Variants in CHN2 observed in about 807,000 individuals in gnomAD.
The protein encoded by CHN2 is beta-chimaerin.
CHN2 carries 35 observed loss-of-function variants against 56.3 expected under a neutral mutation model. The ratio of observed to expected loss-of-function variants is 0.62; its 90% CI spans 0.47 to 0.82. The LOEUF (loss-of-function observed/expected upper bound fraction) is 0.82, where lower values mean the gene tolerates loss of function less well. Among genes scored for constraint, CHN2 ranks in the 40% least tolerant of loss-of-function variants. CHN2 has a pLI of 0.00. For missense variants in CHN2, 491 were observed against 580.5 expected (o/e 0.85, Z 1.58); for synonymous variants, 210 against 212.8 (o/e 0.99, Z 0.12).
At chr7:29,284,686 G>A (rs1271287722) in intron 1 of CHN2, among the ~76,000 whole-genome samples, 1 of 152,180 alleles carries the variant, frequency 6.6e-6, no homozygotes, top group Admixed American at 6.5e-5. Context: ...CGGTCTAGCT[G>A]ACTCCATGAT....
intron 1 of CHN2, among the ~76,000 whole-genome samples, chr7:29,343,579 T>C (rs1467600991): frequency 6.6e-6 from 1 of 152,154 alleles, no homozygotes; most frequent in Non-Finnish European, 1.5e-5. Flanking sequence ...CATGTGTATC[T>C]CACTGGAGCA....
rs777859257 is a variant in CHN2, at chr7:29,504,737, C to G, written c.914-7C>G. The G allele has an allele frequency of 1.3e-6, 2 of 1,574,852 alleles. No homozygotes were observed. The highest frequency in any genetic ancestry group is 1.7e-6 in the Non-Finnish European group (2 of 1,149,426). ...CTAAAGTCAGTCTCTCTCTCTCTCT[C>G]TAACAGGATTAAAATCGGAAGGCCT... is the stretch of plus-strand genomic sequence containing the variant. On this transcript the variant is annotated splice_polypyrimidine_tract_variant and splice_region_variant and intron_variant, in intron 9 of 12. Transcript: ENST00000222792.
intron 1 of CHN2, among the ~76,000 whole-genome samples, chr7:29,248,879 G>C (rs1042149677): frequency 6.6e-6 from 1 of 152,178 alleles, no homozygotes; most frequent in Non-Finnish European, 1.5e-5. Context: ...CTGTGTCTCT[G>C]TCATGCCATT....
intron 1 of CHN2, among the ~76,000 whole-genome samples, chr7:29,214,706 C>T (rs188583535): frequency 6.6e-6 from 1 of 152,304 alleles, no homozygotes; most frequent in East Asian, 1.9e-4. Flanking sequence ...TATTTTTACA[C>T]TTGAATATAT....
chr7:29,342,693 A>C (rs971854347), intron 1 of CHN2, among the ~76,000 whole-genome samples: 5 of 152,222 alleles, frequency 3.3e-5, no homozygotes, highest in African/African-American at 1.2e-4. Context: ...GAAGGAGATG[A>C]ATAAAAGAAT....
chr7:29,478,437 G>A (rs1263781912), intron 6 of CHN2, among the ~76,000 whole-genome samples: 1 of 152,172 alleles, frequency 6.6e-6, no homozygotes, highest in African/African-American at 2.4e-5. Context: ...GAGATAACAA[G>A]GGTCTGAGTT....
intron 6 of CHN2, among the ~76,000 whole-genome samples, chr7:29,404,716 TATTTTAAA>T (rs1802490161): frequency 6.6e-6 from 1 of 152,164 alleles, no homozygotes; most frequent in Non-Finnish European, 1.5e-5. Flanking sequence ...TATTGATTTT[TATTTTAAA>T]ATTGTATGTA....
At chr7:29,202,143 T>TA (rs1784206550) in intron 1 of CHN2, among the ~76,000 whole-genome samples, 1 of 152,204 alleles carries the variant, frequency 6.6e-6, no homozygotes, top group African/African-American at 2.4e-5. Flanking sequence ...GTTTGGATCT[T>TA]ACCATTGAAT....
At chr7:29,415,831 T>A (rs1216145451) in intron 6 of CHN2, among the ~76,000 whole-genome samples, 1 of 152,182 alleles carries the variant, frequency 6.6e-6, no homozygotes, top group Non-Finnish European at 1.5e-5. Context: ...CATCTGCATT[T>A]TTGCTTTCAA....
At chr7:29,456,610 C>G (rs1280049213) in intron 6 of CHN2, among the ~76,000 whole-genome samples, 1 of 134,020 alleles carries the variant, frequency 7.5e-6, no homozygotes, top group East Asian at 2.8e-4. Flanking sequence ...CCACCACCCG[C>G]CCCCTCCCCC....
At chr7:29,202,808 T>C (rs1048696383) in intron 1 of CHN2, among the ~76,000 whole-genome samples, 1 of 152,228 alleles carries the variant, frequency 6.6e-6, no homozygotes. Flanking sequence ...AATGCCATAT[T>C]AGCAATGTGA....
chr7:29,227,206 CT>C (rs1224869095), intron 1 of CHN2, among the ~76,000 whole-genome samples: 1 of 152,214 alleles, frequency 6.6e-6, no homozygotes, highest in Admixed American at 6.5e-5. Context: ...CAGCAGGCAG[CT>C]TATTGAGAAG....
At chr7:29,324,622 A>G (rs1182177714) in intron 1 of CHN2, among the ~76,000 whole-genome samples, 1 of 140,988 alleles carries the variant, frequency 7.1e-6, no homozygotes, top group African/African-American at 2.6e-5. Context: ...TTTTTTTTTA[A>G]TTTTTGACAG....
At chr7:29,150,085 A>G (rs907079844) in intron 2 of CHN2, among the ~76,000 whole-genome samples, 2 of 152,208 alleles carry the variant, frequency 1.3e-5, no homozygotes, top group African/African-American at 4.8e-5. Flanking sequence ...CCTGAAAACA[A>G]GATTTAAAAC....
chr7:29,472,299 GCA>G (rs59917710), intron 6 of CHN2, among the ~76,000 whole-genome samples: 9 of 105,540 alleles, frequency 8.5e-5, no homozygotes, highest in East Asian at 2.5e-4. Context: ...ACACACACAC[GCA>G]CACACACACA....
intron 6 of CHN2, among the ~76,000 whole-genome samples, chr7:29,464,614 T>C (rs1377350649): frequency 6.6e-6 from 1 of 152,144 alleles, no homozygotes; most frequent in Non-Finnish European, 1.5e-5. Flanking sequence ...TGGAACTAGG[T>C]GTAGTCTAAA....
intron 3 of CHN2, among the ~76,000 whole-genome samples, chr7:29,375,593 A>G (rs1334976991): frequency 6.6e-6 from 1 of 152,228 alleles, no homozygotes; most frequent in Non-Finnish European, 1.5e-5. Context: ...AGAAAAAAAG[A>G]ACTGATAGCA....
Position 29,442,934 on chromosome 7 carries a change from C to CTTTTTTTTTTTTTTTTTTTTTTTTTT in CHN2, c.577-37328_577-37327insTTTTTTTTTTTTTTTTTTTTTTTTTT, listed in dbSNP as rs541792526. Among the ~76,000 whole-genome samples, 8 of 103,064 alleles carry CTTTTTTTTTTTTTTTTTTTTTTTTTT rather than the reference C, an allele frequency of 7.8e-5. 1 individual carries two copies. Among genetic ancestry groups the CTTTTTTTTTTTTTTTTTTTTTTTTTT allele is most frequent in the African/African-American group, 1.4e-4 (3 of 21,038 alleles). The allele number at this position is 103,064 out of a possible 152,430, so 67.6% of individuals were successfully genotyped here. A position where few individuals can be genotyped will look rare whatever the true frequency, so the allele number is the denominator to read the frequency against. On this transcript the variant is annotated intron_variant, in intron 6 of 12. Transcript: ENST00000222792. ...CATCGCTTTCAATTTCATTGAATTT[C>CTTTTTTTTTTTTTTTTTTTTTTTTTT]TTTTTTTTTTTTTTTTTGAGACGGA...
chr7:29,170,445 CAT>C (rs1001576650), intron 2 of CHN2, among the ~76,000 whole-genome samples: 11 of 152,150 alleles, frequency 7.2e-5, no homozygotes, highest in African/African-American at 2.2e-4. Context: ...GAATACTGCA[CAT>C]GTTAGATTTT....
Sources: gnomAD v4.1 joint callset for allele counts (sites outside exome capture counted in the v4.1 genomes callset) on GRCh38, gnomAD v4.1.1 for gene constraint, MANE v1.5 for transcripts, NCBI Gene and HGNC (gene_info 2026-07-23, HGNC 2026-07-21) for gene names.